Variants in FAM13B observed in about 807,000 individuals in gnomAD.
The protein encoded by FAM13B is family with sequence similarity 13 member B.
A neutral mutation model predicts 117.3 loss-of-function variants in FAM13B; 60 were observed. The ratio of observed to expected loss-of-function variants is 0.51; its 90% CI spans 0.42 to 0.63. The LOEUF (loss-of-function observed/expected upper bound fraction) is 0.63. FAM13B is among the 30% of genes least tolerant of loss of function. The probability of loss-of-function intolerance (pLI) is 0.00; values close to 1 mark genes in which losing one functional copy is unlikely to be tolerated. For missense variants in FAM13B, 972 were observed against 1,091.9 expected (o/e 0.89, Z 1.55); for synonymous variants, 332 against 356.1 (o/e 0.93, Z 0.76).
intron 1 of FAM13B, among the ~76,000 whole-genome samples, chr5:138,046,430 C>G (rs534881625): frequency 5.9e-5 from 9 of 152,192 alleles, no homozygotes; most frequent in Non-Finnish European, 1.3e-4. Flanking sequence ...ACAAGGCGAG[C>G]TTTGAGGAAG....
chr5:137,983,577 G>T (rs1469012864), intron 10 of FAM13B, among the ~76,000 whole-genome samples: 1 of 152,148 alleles, frequency 6.6e-6, no homozygotes, highest in African/African-American at 2.4e-5. Flanking sequence ...TGATGGGAAT[G>T]ACTAGGTAGA....
Position 137,940,359 on chromosome 5 carries a change from A to C in FAM13B, c.2691-11T>G, listed in dbSNP as rs754736588. The C allele has an allele frequency of 1.3e-6, 2 of 1,580,464 alleles. No homozygotes were observed. Among genetic ancestry groups the C allele is most frequent in the South Asian group, 2.3e-5 (2 of 86,046 alleles). On this transcript the variant is annotated splice_polypyrimidine_tract_variant and intron_variant, in intron 23 of 23. Transcript: ENST00000689681. ...TCTTTCTGGGCATTCCTAGGGGAGA[A>C]AATAAAATTTGTAATGTTCTAGAGA...
chr5:138,045,479 G>T (rs1791614411), intron 1 of FAM13B, among the ~76,000 whole-genome samples: 2 of 152,026 alleles, frequency 1.3e-5, no homozygotes, highest in African/African-American at 4.8e-5. Context: ...GCTGCAGTGA[G>T]CCAAGACTGT....
At chr5:138,042,820 G>A (rs576804447) in intron 1 of FAM13B, among the ~76,000 whole-genome samples, 27 of 152,244 alleles carry the variant, frequency 1.8e-4, no homozygotes, top group South Asian at 6.2e-4. Context: ...GGCCAGGCGC[G>A]GTGGGTCATG....
upstream of FAM13B, among the ~76,000 whole-genome samples, chr5:138,035,604 G>T (rs1259679576): frequency 1.3e-5 from 2 of 152,104 alleles, no homozygotes; most frequent in African/African-American, 4.8e-5. Flanking sequence ...AGTTTTTAGG[G>T]GTTCTGTGGT....
intron 10 of FAM13B, among the ~76,000 whole-genome samples, chr5:137,984,480 C>T (rs1561494142): frequency 6.6e-6 from 1 of 152,130 alleles, no homozygotes; most frequent in Non-Finnish European, 1.5e-5. Flanking sequence ...GTATTTAAGC[C>T]ACCTCTGAGA....
intron 17 of FAM13B, 38 bp from the exon 18 acceptor site, chr5:137,949,222 G>C (rs1424817882): frequency 6.5e-7 from 1 of 1,543,878 alleles, no homozygotes; most frequent in Non-Finnish European, 8.9e-7. Context: ...GTAATAATTG[G>C]TTTTAGCTTT....
intron 10 of FAM13B, among the ~76,000 whole-genome samples, chr5:137,965,650 T>C (rs542457151): frequency 3.7e-4 from 56 of 152,194 alleles, no homozygotes; most frequent in African/African-American, 1.4e-3. Context: ...CATATTGATA[T>C]ACTTCTATCT....
At chr5:138,022,845 T>C (rs78789917) in intron 1 of FAM13B, among the ~76,000 whole-genome samples, 6 of 151,580 alleles carry the variant, frequency 4.0e-5, no homozygotes, top group South Asian at 4.2e-4. Flanking sequence ...TTTTTTTTTT[T>C]CGAGACAGGG....
At chr5:138,022,130 A>G (rs1054969031) in intron 1 of FAM13B, among the ~76,000 whole-genome samples, 2 of 151,380 alleles carry the variant, frequency 1.3e-5, no homozygotes, top group African/African-American at 4.9e-5. Flanking sequence ...AAAAAAAAAA[A>G]AAAAGAATAA....
At chr5:137,967,005 T>C (rs143427209) in intron 10 of FAM13B, among the ~76,000 whole-genome samples, 2 of 151,914 alleles carry the variant, frequency 1.3e-5, no homozygotes, top group East Asian at 3.9e-4. Flanking sequence ...TATTCAAATG[T>C]AGAAAATGAA....
chr5:138,012,216 C>CTTTT (rs36054299), intron 4 of FAM13B, among the ~76,000 whole-genome samples: 18 of 121,750 alleles, frequency 1.5e-4, no homozygotes, highest in East Asian at 1.1e-3. Flanking sequence ...CCCCAATTCT[C>CTTTT]TTTTTTTTTT....
intron 7 of FAM13B, among the ~76,000 whole-genome samples, chr5:137,992,917 TTAA>T (rs1446925489): frequency 6.6e-6 from 1 of 151,514 alleles, no homozygotes; most frequent in African/African-American, 2.4e-5. Flanking sequence ...AATACTACTA[TTAA>T]TAAGTCACAA....
chr5:137,946,342 C>CAAAAAAAAAAAAACAAAAAAA (rs1763430535), intron 18 of FAM13B, 31 bp from the exon 19 acceptor site: 3 of 919,560 alleles, frequency 3.3e-6, no homozygotes, highest in Non-Finnish European at 4.5e-6. Flanking sequence ...TAACAAAATA[C>CAAAAAAAAAAAAACAAAAAAA]AAAAAAAAAA....
In FAM13B at chr5:137,949,185, C is replaced by A; in HGVS notation, c.1931-1G>T. On this transcript the variant is annotated splice_acceptor_variant, in intron 17 of 23. Coordinates refer to ENST00000689681, the MANE Select transcript of FAM13B (RefSeq NM_001385994.1). LOFTEE classifies it high-confidence loss of function. ...CCATCAGAATTTTTGTGTTTTGCAT[C>A]TACATGTCAGAAATAAGGACAGATC... 1.2e-6 allele frequency: 2 copies of A among 1,612,152 alleles called. No homozygotes were observed. Among genetic ancestry groups the A allele is most frequent in the Non-Finnish European group, 1.7e-6 (2 of 1,178,344 alleles).
intron 14 of FAM13B, 31 bp downstream of exon 14, chr5:137,956,446 A>AAAAAAACT: frequency 6.6e-7 from 1 of 1,525,124 alleles, no homozygotes; most frequent in Non-Finnish European, 8.9e-7. Context: ...ATAAAAGGCA[A>AAAAAAACT]AAAAACTAAA....
intron 1 of FAM13B, among the ~76,000 whole-genome samples, chr5:138,025,320 T>G (rs1391017743): frequency 7.7e-6 from 1 of 129,438 alleles, no homozygotes; most frequent in Non-Finnish European, 1.7e-5. Context: ...TGTATTTTTT[T>G]TTTTTTTTTT....
At chr5:138,045,175 A>G (rs1791606341) in intron 1 of FAM13B, among the ~76,000 whole-genome samples, 1 of 152,228 alleles carries the variant, frequency 6.6e-6, no homozygotes, top group Non-Finnish European at 1.5e-5. Context: ...TAATAGTCCA[A>G]AAATGGAAAC....
chr5:138,031,164 T>C (rs1171970834), intron 1 of FAM13B, among the ~76,000 whole-genome samples: 1 of 152,142 alleles, frequency 6.6e-6, no homozygotes, highest in Non-Finnish European at 1.5e-5. Context: ...ATTTTATTGG[T>C]GGGGAAACAC....
Sources: allele counts gnomAD v4.1 joint callset (sites outside exome capture counted in the v4.1 genomes callset), GRCh38; gene constraint gnomAD v4.1.1; transcripts MANE v1.5; gene names NCBI Gene and HGNC (gene_info 2026-07-23, HGNC 2026-07-21).